Variants in EDDM13 observed in about 807,000 individuals in gnomAD.
EDDM13 encodes the protein epididymal protein 13.
EDDM13 carries 24 observed loss-of-function variants against 17.8 expected under a neutral mutation model. The ratio of observed to expected loss-of-function variants is 1.35; its 90% CI spans 0.98 to 1.90. EDDM13 has a LOEUF of 1.90. EDDM13 is among the 40% of genes most tolerant of loss of function. EDDM13 has a pLI of 0.00. For missense variants in EDDM13, 97 were observed against 100.8 expected (o/e 0.96, Z 0.16); for synonymous variants, 31 against 37.5 (o/e 0.83, Z 0.63).
chr19:56,308,223 G>A lies in EDDM13; in HGVS notation c.462-1901G>A, dbSNP rs571306047. ...TAAGTTTTGTACTTTTAGTAGAGAC[G>A]GGGTTTCACCATGTTGGCCAGGATG... On this transcript the variant is annotated intron_variant, in intron 14 of 14. Transcript: ENST00000649256. Among the ~76,000 whole-genome samples, 249 of 152,072 alleles carry A rather than the reference G, an allele frequency of 1.6e-3. 2 individuals are homozygous for A. In the East Asian group the frequency reaches 0.032, roughly 19 times the overall value.
At chr19:56,307,959 C>T (rs900145289) in intron 14 of EDDM13, among the ~76,000 whole-genome samples, 2 of 152,254 alleles carry the variant, frequency 1.3e-5, no homozygotes, top group South Asian at 2.1e-4. Context: ...GGTTCTCAGG[C>T]TCCAAGCTCC....
intron 2 of EDDM13, among the ~76,000 whole-genome samples, chr19:56,276,326 G>T (rs1407312873): frequency 1.3e-5 from 2 of 152,060 alleles, no homozygotes; most frequent in Non-Finnish European, 2.9e-5. Context: ...TCACTCCTTT[G>T]TCTGGGGAAG....
intron 14 of EDDM13, among the ~76,000 whole-genome samples, chr19:56,307,661 C>T (rs1403455979): frequency 1.3e-5 from 2 of 152,078 alleles, no homozygotes; most frequent in African/African-American, 4.8e-5. Flanking sequence ...CTGCAAATGC[C>T]TAATAGTTTG....
intron 13 of EDDM13, among the ~76,000 whole-genome samples, chr19:56,302,600 CTTCTT>C (rs2040396486): frequency 1.4e-5 from 1 of 70,862 alleles, no homozygotes; most frequent in Non-Finnish European, 2.9e-5. Flanking sequence ...TCCTCTCCCT[CTTCTT>C]CCTCTCCCTC....
At chr19:56,284,767 G>T (rs2038978557) in intron 5 of EDDM13, among the ~76,000 whole-genome samples, 2 of 152,018 alleles carry the variant, frequency 1.3e-5, no homozygotes, top group Admixed American at 1.3e-4. Flanking sequence ...ACCCACCTCA[G>T]CCCCCAAAGT....
chr19:56,300,713 T>C (rs1421616695), intron 12 of EDDM13, among the ~76,000 whole-genome samples: 1 of 152,192 alleles, frequency 6.6e-6, no homozygotes, highest in Non-Finnish European at 1.5e-5. Context: ...GAGAATTCAT[T>C]TTTTTTCGTT....
intron 2 of EDDM13, among the ~76,000 whole-genome samples, chr19:56,279,280 T>A (rs1309760970): frequency 6.6e-6 from 1 of 151,810 alleles, no homozygotes; most frequent in Non-Finnish European, 1.5e-5. Context: ...GAAAAAGATC[T>A]CTTTTTTTTC....
Position 56,281,806 on chromosome 19 carries a change from T to G in EDDM13, c.109+108T>G, listed in dbSNP as rs548768522. ...AAACTGCTGACGATCACATTCAACC[T>G]GGGGCAGATTCAGATGTCCTCAATT... On this transcript the variant is annotated intron_variant, in intron 3 of 14. Transcript: ENST00000649256. 52 of 574,144 alleles carry G rather than the reference T, an allele frequency of 9.1e-5. No individual in the cohort carries two copies. In the South Asian group the frequency reaches 3.6e-3, roughly 40 times the overall value. 35.6% of individuals were successfully genotyped at this position (574,144 alleles called of 1,614,324 possible). A position where few individuals can be genotyped will look rare whatever the true frequency, so the allele number is the denominator to read the frequency against.
At chr19:56,276,701 C>G (rs2038293545) in intron 2 of EDDM13, among the ~76,000 whole-genome samples, 1 of 151,782 alleles carries the variant, frequency 6.6e-6, no homozygotes. Flanking sequence ...CCATGCCCGG[C>G]TAATTTTGTA....
intron 13 of EDDM13, among the ~76,000 whole-genome samples, chr19:56,302,595 T>C (rs374652707): frequency 0.17 from 6,238 of 36,598 alleles, 558 homozygotes; most frequent in African/African-American, 0.45. Context: ...TTTCTTCCTC[T>C]CCCTCTTCTT....
At position 56,278,421 on chromosome 19, in the gene EDDM13, G is replaced by A. The variant is rs985381769; in HGVS notation, c.103+2312G>A. 9.2e-5 allele frequency among the ~76,000 whole-genome samples: 14 copies of A among 152,082 alleles called. 1 individual carries two copies. The highest frequency in any genetic ancestry group is 6.6e-4 in the Admixed American group (10 of 15,266). ...AGTGCTGGGATTACAGGCGTGAGCC[G>A]CCCCGCCCAGCCACAATGTGCTATT... On this transcript the variant is annotated intron_variant, in intron 2 of 14. Transcript: ENST00000649256.
chr19:56,282,056 A>G (rs773758425), intron 3 of EDDM13, among the ~76,000 whole-genome samples: 6 of 152,260 alleles, frequency 3.9e-5, no homozygotes, highest in Non-Finnish European at 7.4e-5. Context: ...TAGAATGTAC[A>G]CCTGGGTTAG....
chr19:56,293,951 T>G (rs16987171), intron 9 of EDDM13, among the ~76,000 whole-genome samples: 12,658 of 151,966 alleles, frequency 0.083, 847 homozygotes, highest in African/African-American at 0.19. Flanking sequence ...TCAGCAAGGG[T>G]CTGTGAGGAC....
At chr19:56,299,950 G>C (rs1377388602) in intron 12 of EDDM13, 1 of 152,160 alleles carries the variant, frequency 6.6e-6, no homozygotes. Context: ...TCTATCCAGT[G>C]CAAATCCTAG....
chr19:56,277,061 T>C (rs561178683), intron 2 of EDDM13, among the ~76,000 whole-genome samples: 1 of 152,142 alleles, frequency 6.6e-6, no homozygotes, highest in East Asian at 1.9e-4. Context: ...CTAACTAACG[T>C]GGAGAAATCA....
At chr19:56,279,693 A>T (rs2038538406) in intron 2 of EDDM13, among the ~76,000 whole-genome samples, 1 of 152,210 alleles carries the variant, frequency 6.6e-6, no homozygotes, top group Non-Finnish European at 1.5e-5. Context: ...ATGCCTGCAG[A>T]TAACATTTTG....
At chr19:56,279,537 T>C (rs1170452436) in intron 2 of EDDM13, among the ~76,000 whole-genome samples, 1 of 152,202 alleles carries the variant, frequency 6.6e-6, no homozygotes, top group Non-Finnish European at 1.5e-5. Flanking sequence ...AAATACGTCA[T>C]GCAATTTAAT....
chr19:56,300,802 TA>T (rs113042044), intron 12 of EDDM13, among the ~76,000 whole-genome samples: 6,119 of 149,178 alleles, frequency 0.041, 202 homozygotes, highest in South Asian at 0.13. Flanking sequence ...GGTTTACGTG[TA>T]AAAAAAAAAT....
At chr19:56,284,549 C>T (rs868600378) in intron 5 of EDDM13, among the ~76,000 whole-genome samples, 79 of 129,154 alleles carry the variant, frequency 6.1e-4, no homozygotes, top group Middle Eastern at 0.011. Context: ...CAGTCTTGCT[C>T]TGTCACTCAG....
Sources: allele counts gnomAD v4.1 joint callset (sites outside exome capture counted in the v4.1 genomes callset), GRCh38; gene constraint gnomAD v4.1.1; transcripts MANE v1.5; gene names NCBI Gene and HGNC (gene_info 2026-07-23, HGNC 2026-07-21).